Variants in HS3ST2 observed in about 807,000 individuals in gnomAD.
HS3ST2 encodes the protein heparan sulfate-glucosamine 3-sulfotransferase 2.
A neutral mutation model predicts 26.3 loss-of-function variants in HS3ST2; 17 were observed. That is an observed-to-expected ratio of 0.65 (90% confidence interval 0.44 to 0.97). The LOEUF (loss-of-function observed/expected upper bound fraction) is 0.97, where lower values mean the gene tolerates loss of function less well. Ranked by LOEUF, HS3ST2 falls within the 50% of genes least tolerant of loss-of-function variation. HS3ST2 has a pLI of 0.00. For synonymous variants in HS3ST2, 237 were observed against 219.2 expected (o/e 1.08, Z -0.72); for missense variants, 402 against 501.2 (o/e 0.80, Z 1.89).
intron 1 of HS3ST2, among the ~76,000 whole-genome samples, chr16:22,820,455 G>A (rs1900975377): frequency 6.6e-6 from 1 of 152,344 alleles, no homozygotes; most frequent in African/African-American, 2.4e-5. Context: ...AAAAGAAAAA[G>A]AGGTTTAATG....
chr16:22,831,529 T>A (rs1224668344), intron 1 of HS3ST2, among the ~76,000 whole-genome samples: 1 of 152,196 alleles, frequency 6.6e-6, no homozygotes, highest in Non-Finnish European at 1.5e-5. Flanking sequence ...ATAATTTGTA[T>A]CTGGATTGTA....
At chr16:22,884,275 T>C (rs1902030554) in intron 1 of HS3ST2, among the ~76,000 whole-genome samples, 1 of 152,212 alleles carries the variant, frequency 6.6e-6, no homozygotes, top group Admixed American at 6.5e-5. Flanking sequence ...TTACTGCTAC[T>C]GTCTCTGTTT....
intron 1 of HS3ST2, among the ~76,000 whole-genome samples, chr16:22,821,642 G>T (rs1456371131): frequency 1.3e-5 from 2 of 152,078 alleles, no homozygotes; most frequent in African/African-American, 4.8e-5. Flanking sequence ...TCCGGTGCAG[G>T]TTAATCCATT....
chr16:22,827,051 T>G (rs1244217854), intron 1 of HS3ST2, among the ~76,000 whole-genome samples: 1 of 151,990 alleles, frequency 6.6e-6, no homozygotes, highest in Non-Finnish European at 1.5e-5. Flanking sequence ...AGCAGGGTGG[T>G]TAGGGAAGGC....
intron 1 of HS3ST2, among the ~76,000 whole-genome samples, chr16:22,900,243 G>A (rs1902265276): frequency 1.3e-5 from 2 of 152,208 alleles, no homozygotes; most frequent in Admixed American, 6.5e-5. Flanking sequence ...CTGTTTCGTG[G>A]CATGCATTCA....
intron 1 of HS3ST2, among the ~76,000 whole-genome samples, chr16:22,871,314 C>G (rs755210285): frequency 6.0e-5 from 9 of 150,890 alleles, no homozygotes; most frequent in Admixed American, 2.0e-4. Flanking sequence ...CAAGATTGCA[C>G]CACTGTATTC....
At chr16:22,819,132 ATTCCTTCCTTCCTTCCTTCCTTCCCTCC>A (rs1900950072) in intron 1 of HS3ST2, among the ~76,000 whole-genome samples, 2 of 6,476 alleles carry the variant, frequency 3.1e-4, no homozygotes, top group Non-Finnish European at 5.0e-4. Context: ...TCCTTCCTTC[ATTCCTTCCTTCCTTCCTTCCTTCCCTCC>A]TTCCTTCCTT....
chr16:22,915,663 G>A lies in HS3ST2; in HGVS notation c.*101G>A. 6.0e-6 allele frequency: 8 copies of A among 1,336,304 alleles called. No individual in the cohort carries two copies. The highest frequency in any genetic ancestry group is 1.5e-5 in the African/African-American group (1 of 68,024). 82.8% of individuals were successfully genotyped at this position (1,336,304 alleles called of 1,614,324 possible). On this transcript the variant is annotated 3_prime_UTR_variant, in exon 2 of 2. Transcript: ENST00000261374. The stretch of plus-strand genomic sequence containing the variant: ...CTCCCTCCAACAAACCCTGGCTCCA[G>A]CCCCCTTTCCCAACTTGAGTTGCAT...
chr16:22,833,388 A>C (rs890288775), intron 1 of HS3ST2: 1 of 444,002 alleles, frequency 2.3e-6, no homozygotes, highest in Non-Finnish European at 4.6e-6. Context: ...GATGATAATT[A>C]AATTCATGGA....
At chr16:22,896,335 C>T (rs546687528) in intron 1 of HS3ST2, among the ~76,000 whole-genome samples, 42 of 152,254 alleles carry the variant, frequency 2.8e-4, no homozygotes, top group Non-Finnish European at 5.3e-4. Flanking sequence ...TTTTCTTTTG[C>T]CTTCACAGGC....
chr16:22,879,841 C>T (rs1417112727), intron 1 of HS3ST2, among the ~76,000 whole-genome samples: 1 of 152,292 alleles, frequency 6.6e-6, no homozygotes, highest in Non-Finnish European at 1.5e-5. Context: ...AAGGCAGTCA[C>T]TTCTGCCTTC....
intron 1 of HS3ST2, among the ~76,000 whole-genome samples, chr16:22,852,671 G>A (rs28636398): frequency 0.057 from 8,703 of 152,086 alleles, 321 homozygotes; most frequent in African/African-American, 0.1. Context: ...CATTTTGTCT[G>A]AAGAATTTTC....
At chr16:22,885,906 G>A (rs1902052845) in intron 1 of HS3ST2, among the ~76,000 whole-genome samples, 1 of 152,104 alleles carries the variant, frequency 6.6e-6, no homozygotes, top group Non-Finnish European at 1.5e-5. Flanking sequence ...AGACCATCTG[G>A]CCCAGTCCAG....
chr16:22,903,924 T>C (rs208636), intron 1 of HS3ST2, among the ~76,000 whole-genome samples: 95,571 of 151,962 alleles, frequency 0.63, 30,573 homozygotes, highest in East Asian at 0.81. Context: ...TGGTTTATGC[T>C]CCAAGGATGA....
chr16:22,876,768 G>T (rs941600866), intron 1 of HS3ST2, among the ~76,000 whole-genome samples: 2 of 152,106 alleles, frequency 1.3e-5, no homozygotes, highest in Non-Finnish European at 2.9e-5. Flanking sequence ...AGAAAACGTG[G>T]TATATATATG....
chr16:22,840,633 A>C (rs1448437818), intron 1 of HS3ST2, among the ~76,000 whole-genome samples: 1 of 152,086 alleles, frequency 6.6e-6, no homozygotes, highest in Non-Finnish European at 1.5e-5. Flanking sequence ...GTCAGGGTGC[A>C]TACAAGAGGT....
chr16:22,854,528 C>A (rs1014898707), intron 1 of HS3ST2: 1 of 152,006 alleles, frequency 6.6e-6, no homozygotes, highest in Non-Finnish European at 1.5e-5. Context: ...TCTTGATTAT[C>A]ACCACTTCCC....
At chr16:22,889,023 C>T (rs919086004) in intron 1 of HS3ST2, among the ~76,000 whole-genome samples, 1 of 152,216 alleles carries the variant, frequency 6.6e-6, no homozygotes, top group African/African-American at 2.4e-5. Context: ...AAGTTCCCCT[C>T]TCTGTCAATG....
intron 1 of HS3ST2, among the ~76,000 whole-genome samples, chr16:22,821,620 G>A (rs1191702705): frequency 1.3e-5 from 2 of 152,044 alleles, no homozygotes; most frequent in Non-Finnish European, 2.9e-5. Context: ...CACTGTCTCT[G>A]CTGGAGCTAA....
Sources: allele counts gnomAD v4.1 joint callset (sites outside exome capture counted in the v4.1 genomes callset), GRCh38; gene constraint gnomAD v4.1.1; transcripts MANE v1.5; gene names NCBI Gene and HGNC (gene_info 2026-07-23, HGNC 2026-07-21).